PRELID3B: variants seen among roughly 807,000 people sequenced by gnomAD.
The protein encoded by PRELID3B is PRELI domain containing protein 3B.
A neutral mutation model predicts 24.0 loss-of-function variants in PRELID3B; 15 were observed. The observed-to-expected ratio is 0.63, with a 90% CI of 0.42 to 0.96. PRELID3B has a LOEUF of 0.96. Among genes scored for constraint, PRELID3B ranks in the 40% least tolerant of loss-of-function variants. The pLI is 0.00. For missense variants in PRELID3B, 189 were observed against 236.0 expected (o/e 0.80, Z 1.30); for synonymous variants, 62 against 76.0 (o/e 0.82, Z 0.96).
Position 59,034,982 on chromosome 20 carries a change from C to A in PRELID3B, c.*25G>T. 1 of 1,601,018 alleles carries A rather than the reference C, an allele frequency of 6.2e-7. No individual in the cohort carries two copies. On this transcript the variant is annotated 3_prime_UTR_variant, in exon 6 of 6. Coordinates refer to ENST00000355937, the MANE Select transcript of PRELID3B (RefSeq NM_016045.3). ...TCAGTTTGGAGAGACCTGGAGTACC[C>A]GATGTTGTCTACCAACTGTCACGAT...
intron 2 of PRELID3B, 31 bp downstream of exon 2, chr20:59,038,435 C>T (rs377191509): frequency 6.3e-7 from 1 of 1,594,396 alleles, no homozygotes; most frequent in Non-Finnish European, 8.6e-7. Context: ...CTACAGCAGT[C>T]ACATTTCTCC....
Position 59,033,738 on chromosome 20 carries a change from T to A in PRELID3B, c.*1269A>T, listed in dbSNP as rs2092050671. On this transcript the variant is annotated 3_prime_UTR_variant, in exon 6 of 6. Coordinates refer to ENST00000355937, the MANE Select transcript of PRELID3B (RefSeq NM_016045.3). ...AAAATAAAGGCAAGAGCTAATCATC[T>A]TCTAGCAAAAATAGTCTCTATGCAA... is the stretch of plus-strand genomic sequence containing the variant. The A allele has an allele frequency of 6.6e-6, 1 of 152,242 alleles. No homozygotes were observed. Among genetic ancestry groups the A allele is most frequent in the South Asian group, 2.1e-4 (1 of 4,836 alleles). The allele number at this position is 152,242 out of a possible 1,614,324, so 9.4% of individuals were successfully genotyped here.
chr20:59,038,377 C>T (rs770373244), intron 2 of PRELID3B, 89 bp downstream of exon 2: 49 of 1,074,476 alleles, frequency 4.6e-5, no homozygotes, highest in African/African-American at 1.7e-4. Context: ...CATTCAGAAT[C>T]GGCTCCCACA....
chr20:59,042,562 G>A lies in PRELID3B; in HGVS notation c.32+137C>T, dbSNP rs2092118255. The A allele has an allele frequency of 3.2e-6, 3 of 929,366 alleles. No individual in the cohort carries two copies. The African/African-American group carries it at 5.1e-5, about 16-fold the overall frequency. The allele number at this position is 929,366 out of a possible 1,614,324, so 57.6% of individuals were successfully genotyped here. ...CCTTGGTCTGCCCTCCGTGTCGCCG[G>A]GGCCCGCAGGCTTCAGAGTTCGCTC... is the stretch of plus-strand genomic sequence containing the variant. On this transcript the variant is annotated intron_variant, in intron 1 of 5. Coordinates refer to ENST00000355937, the MANE Select transcript of PRELID3B (RefSeq NM_016045.3).
At position 59,040,290 on chromosome 20, in the gene PRELID3B, T is replaced by C. The variant is rs1181615865; in HGVS notation, c.33-1656A>G. The stretch of plus-strand genomic sequence containing the variant: ...ATCTTCCAGCAATTAATCTGAGCTG[T>C]ATTAACATAATTACGTGGAAAAGAT... On this transcript the variant is annotated intron_variant, in intron 1 of 5. Coordinates refer to ENST00000355937, the MANE Select transcript of PRELID3B (RefSeq NM_016045.3). This position sits in a 1 kb window ranked among gnomAD's most constrained non-coding sequence, Gnocchi z 4.1. Among the ~76,000 whole-genome samples the C allele has an allele frequency of 3.9e-5, 6 of 152,338 alleles. No individual in the cohort carries two copies. Among genetic ancestry groups the C allele is most frequent in the East Asian group, 1.9e-4 (1 of 5,192 alleles).
rs1440754931 is a variant in PRELID3B, at chr20:59,038,487, T to C, written c.180A>G (p.Gly60=). Residue 60 remains glycine (G), a synonymous_variant, in exon 2 of 6, where the codon GGA becomes GGG. Transcript: ENST00000355937. ...TTACAGACTTCACAATGGAAGGCAGTCCCCACTCTGTGCTGAGAAGTCTGT... is the reference window on the plus strand; with the variant it reads ...TTACAGACTTCACAATGGAAGGCAGCCCCCACTCTGTGCTGAGAAGTCTGT... The part of the protein sequence containing the change: ...HSHRLLSTEW[G]LPSIVKSLIG... 6.2e-7 allele frequency: 1 copy of C among 1,613,542 alleles called. No individual in the cohort carries two copies. The highest frequency in any genetic ancestry group is 1.7e-5 in the Admixed American group (1 of 59,966).
intron 1 of PRELID3B, among the ~76,000 whole-genome samples, chr20:59,041,402 C>G (rs530296005): frequency 2.0e-5 from 3 of 152,102 alleles, no homozygotes; most frequent in Admixed American, 1.3e-4. Context: ...AGTACAAATG[C>G]GGACAACGTT....
chr20:59,034,557 A>G lies in PRELID3B; in HGVS notation c.*450T>C, dbSNP rs1036327865. 1 of 153,312 alleles carries G rather than the reference A, an allele frequency of 6.5e-6. No individual in the cohort carries two copies. Among genetic ancestry groups the G allele is most frequent in the African/African-American group, 2.4e-5 (1 of 41,484 alleles). 9.5% of individuals were successfully genotyped at this position (153,312 alleles called of 1,614,324 possible). On this transcript the variant is annotated 3_prime_UTR_variant, in exon 6 of 6. Coordinates refer to ENST00000355937, the MANE Select transcript of PRELID3B (RefSeq NM_016045.3). The stretch of plus-strand genomic sequence containing the variant: ...TTTACACAAAATATATTTTAAAACT[A>G]CACAATTTCTCCTTTTAAGTGAGCT...
In PRELID3B at chr20:59,038,687, T is replaced by C. The variant is rs1331612021; in HGVS notation, c.33-53A>G. 4 of 1,508,574 alleles carry C rather than the reference T, an allele frequency of 2.7e-6. No homozygotes were observed. In the Admixed American group the frequency reaches 8.6e-5, roughly 33 times the overall value. 93.4% of individuals were successfully genotyped at this position (1,508,574 alleles called of 1,614,324 possible). A position where few individuals can be genotyped will look rare whatever the true frequency, so the allele number is the denominator to read the frequency against. ...AAAAAAATTCAGACATTTAAAATTA[T>C]GCATATGAGTTAAACAATTTTTATA... On this transcript the variant is annotated intron_variant, in intron 1 of 5. Coordinates refer to ENST00000355937, the MANE Select transcript of PRELID3B (RefSeq NM_016045.3).
At chr20:59,042,584 G>T (rs912011378) in intron 1 of PRELID3B, 115 bp downstream of exon 1, 1 of 1,210,312 alleles carries the variant, frequency 8.3e-7, no homozygotes, top group Non-Finnish European at 1.2e-6. Context: ...TTCAGAGTTC[G>T]CTCCCCTCGC....
intron 1 of PRELID3B, among the ~76,000 whole-genome samples, chr20:59,041,767 A>G (rs1167371770): frequency 1.3e-5 from 2 of 152,208 alleles, no homozygotes; most frequent in Non-Finnish European, 2.9e-5. Flanking sequence ...TTGCCTTCAG[A>G]GACAGTTTTA....
At chr20:59,039,600 T>C (rs967502610) in intron 1 of PRELID3B, among the ~76,000 whole-genome samples, 1 of 152,226 alleles carries the variant, frequency 6.6e-6, no homozygotes, top group Admixed American at 6.5e-5. Flanking sequence ...CTCATCTTCA[T>C]TTAAAGGAAA....
intron 2 of PRELID3B, 102 bp from the exon 3 acceptor site, chr20:59,037,382 C>CA: frequency 2.1e-6 from 2 of 930,550 alleles, no homozygotes; most frequent in Non-Finnish European, 3.4e-6. Context: ...ATATTTTGAA[C>CA]CAAAAATCTG....
intron 2 of PRELID3B, among the ~76,000 whole-genome samples, chr20:59,037,603 G>A (rs1443214406): frequency 6.6e-6 from 1 of 152,230 alleles, no homozygotes; most frequent in Non-Finnish European, 1.5e-5. Flanking sequence ...CAGGTTTGGG[G>A]CAACATGGCA....
At position 59,038,639 on chromosome 20, in the gene PRELID3B, C is replaced by G. The variant is rs765890803; in HGVS notation, c.33-5G>C. 1 of 1,486,768 alleles carries G rather than the reference C, an allele frequency of 6.7e-7. No individual in the cohort carries two copies. The highest frequency in any genetic ancestry group is 1.8e-5 in the African/African-American group (1 of 56,748). 92.1% of individuals were successfully genotyped at this position (1,486,768 alleles called of 1,614,324 possible). A position where few individuals can be genotyped will look rare whatever the true frequency, so the allele number is the denominator to read the frequency against. Reference sequence around the variant, plus strand: ...GTAACAGTTTCCCACGGGTGGCTGCCGATGTGAACCAAAAAAAAAAAAAAA... The same window carrying G: ...GTAACAGTTTCCCACGGGTGGCTGCGGATGTGAACCAAAAAAAAAAAAAAA... On this transcript the variant is annotated splice_region_variant and splice_polypyrimidine_tract_variant and intron_variant, in intron 1 of 5. Coordinates refer to ENST00000355937, the MANE Select transcript of PRELID3B (RefSeq NM_016045.3).
At position 59,033,811 on chromosome 20, in the gene PRELID3B, A is replaced by C. The variant is rs1243143868; in HGVS notation, c.*1196T>G. ...TATTTAGTAGTTAATTGCCTGCTAC[A>C]ATACATAAAACAAAGTACATTTACT... is the stretch of plus-strand genomic sequence containing the variant. On this transcript the variant is annotated 3_prime_UTR_variant, in exon 6 of 6. Coordinates refer to ENST00000355937, the MANE Select transcript of PRELID3B (RefSeq NM_016045.3). 1 of 152,218 alleles carries C rather than the reference A, an allele frequency of 6.6e-6. No homozygotes were observed. Among genetic ancestry groups the C allele is most frequent in the Non-Finnish European group, 1.5e-5 (1 of 68,036 alleles). The allele number at this position is 152,218 out of a possible 1,614,324, so 9.4% of individuals were successfully genotyped here.
At chr20:59,041,970 G>T (rs927735882) in intron 1 of PRELID3B, among the ~76,000 whole-genome samples, 2 of 152,176 alleles carry the variant, frequency 1.3e-5, no homozygotes, top group Non-Finnish European at 2.9e-5. Context: ...CATCCAACTG[G>T]TTCAAGGCTT....
chr20:59,038,803 C>G (rs919020019), intron 1 of PRELID3B, among the ~76,000 whole-genome samples, 169 bp from the exon 2 acceptor site: 2 of 152,094 alleles, frequency 1.3e-5, no homozygotes, highest in African/African-American at 4.8e-5. Context: ...GGAAACTGAT[C>G]TACATTTTTA....
At chr20:59,036,342 C>G in intron 5 of PRELID3B, 129 bp downstream of exon 5, 1 of 680,108 alleles carries the variant, frequency 1.5e-6, no homozygotes, top group Non-Finnish European at 2.6e-6. Flanking sequence ...AGTAACTGCC[C>G]AACGTGCTGC....
Sources: gnomAD v4.1 joint callset for allele counts (sites outside exome capture counted in the v4.1 genomes callset) on GRCh38, gnomAD v4.1.1 for gene constraint, Gnocchi (gnomAD v3.1) non-coding constraint, MANE v1.5 for transcripts, NCBI Gene and HGNC (gene_info 2026-07-23, HGNC 2026-07-21) for gene names.